MTRR: variants seen among roughly 807,000 people sequenced by gnomAD.
MTRR encodes the protein 5-methyltetrahydrofolate-homocysteine methyltransferase reductase.
In MTRR, 63 loss-of-function variants were observed where a neutral mutation model predicts 79.2. The observed-to-expected ratio is 0.80, with a 90% CI of 0.65 to 0.98. MTRR has a LOEUF of 0.98. Among genes scored for constraint, MTRR ranks in the 50% least tolerant of loss-of-function variants. The probability of loss-of-function intolerance (pLI) is 0.00; values close to 1 mark genes in which losing one functional copy is unlikely to be tolerated. For missense variants in MTRR, 895 were observed against 839.6 expected (o/e 1.07, Z -0.82); for synonymous variants, 355 against 313.3 (o/e 1.13, Z -1.41).
intron 1 of MTRR, chr5:7,870,437 C>T: frequency 2.9e-6 from 1 of 345,008 alleles, no homozygotes; most frequent in South Asian, 2.5e-5. Context: ...GTAATACTCT[C>T]ATTTTTAGGA....
At chr5:7,887,909 A>G (rs1488276935) in intron 8 of MTRR, among the ~76,000 whole-genome samples, 1 of 149,760 alleles carries the variant, frequency 6.7e-6, no homozygotes, top group Admixed American at 6.7e-5. Flanking sequence ...GTATTTTATA[A>G]TCAAACCCTC....
At chr5:7,857,035 C>A (rs1746266680) in intron 1 of MTRR, 1 of 152,172 alleles carries the variant, frequency 6.6e-6, no homozygotes, top group African/African-American at 2.4e-5. Flanking sequence ...CTAGTTTCAA[C>A]TGCTGCAGCC....
intron 1 of MTRR, among the ~76,000 whole-genome samples, chr5:7,860,096 G>T (rs1746425816): frequency 6.6e-6 from 1 of 152,160 alleles, no homozygotes; most frequent in African/African-American, 2.4e-5. Flanking sequence ...CCATTGGAGG[G>T]TCTTGAATGT....
chr5:7,890,688 C>A (rs1360879940), intron 9 of MTRR, among the ~76,000 whole-genome samples: 1 of 152,062 alleles, frequency 6.6e-6, no homozygotes, highest in East Asian at 1.9e-4. Flanking sequence ...TATACATAGA[C>A]CTTTTCATAT....
chr5:7,882,394 A>G (rs6859960), intron 5 of MTRR, among the ~76,000 whole-genome samples: 2,439 of 152,286 alleles, frequency 0.016, 32 homozygotes, highest in Non-Finnish European at 0.024. Flanking sequence ...GCCTTTGCAG[A>G]AGGCAGTCTT....
upstream of MTRR, chr5:7,868,971 A>T (rs1193892420): frequency 1.2e-6 from 1 of 804,070 alleles, no homozygotes; most frequent in Admixed American, 1.8e-5. Flanking sequence ...CCCCGCGTTG[A>T]CACCTACCGC....
intron 1 of MTRR, chr5:7,870,220 G>A (rs897745169): frequency 7.4e-5 from 20 of 269,590 alleles, no homozygotes; most frequent in Admixed American, 5.1e-4. Flanking sequence ...GAGAGTATGT[G>A]CTTCAGTTAC....
At chr5:7,850,976 T>C, upstream of MTRR, 1 of 1,309,920 alleles carries the variant, frequency 7.6e-7, no homozygotes. Context: ...GGCCTGGGCT[T>C]GCCCCGCAGC....
intron 2 of MTRR, among the ~76,000 whole-genome samples, chr5:7,863,734 G>C (rs772623108): frequency 2.0e-5 from 3 of 152,194 alleles, no homozygotes; most frequent in African/African-American, 7.2e-5. Flanking sequence ...TTAAACTTCT[G>C]TCATCCATGA....
At chr5:7,865,860 C>T (rs1033515896), upstream of MTRR, 2 of 1,468,774 alleles carry the variant, frequency 1.4e-6, no homozygotes, top group Non-Finnish European at 1.9e-6. Context: ...AAACTGCACC[C>T]ATGGGGAAAT....
At chr5:7,857,580 T>C (rs959391995) in intron 1 of MTRR, among the ~76,000 whole-genome samples, 1 of 152,174 alleles carries the variant, frequency 6.6e-6, no homozygotes, top group African/African-American at 2.4e-5. Context: ...AGCTTACAAA[T>C]CACTCTGAGG....
chr5:7,886,451 A>C, intron 7 of MTRR, 164 bp from the exon 8 acceptor site: 1 of 630,438 alleles, frequency 1.6e-6, no homozygotes, highest in South Asian at 1.9e-5. Context: ...TTTTTACTGT[A>C]TTCATTTTGG....
chr5:7,867,484 C>G, upstream of MTRR: 1 of 1,614,224 alleles, frequency 6.2e-7, no homozygotes, highest in Middle Eastern at 1.6e-4. Flanking sequence ...ATTCTGCCAC[C>G]AGGTTCAGCA....
At chr5:7,896,646 A>T (rs1384435367) in intron 12 of MTRR, 8 of 599,810 alleles carry the variant, frequency 1.3e-5, no homozygotes, top group Non-Finnish European at 3.0e-6. Flanking sequence ...TGTATGTCGG[A>T]TGTAGCTGCC....
At chr5:7,871,395 G>A (rs1747975289) in intron 2 of MTRR, among the ~76,000 whole-genome samples, 1 of 152,202 alleles carries the variant, frequency 6.6e-6, no homozygotes, top group Admixed American at 6.5e-5. Context: ...AAAAAACTCG[G>A]CTGCTTCTTC....
chr5:7,891,384 A>G lies in MTRR; in HGVS notation c.1340A>G (p.Lys447Arg). 6.2e-7 allele frequency: 1 copy of G among 1,609,368 alleles called. No homozygotes were observed. The highest frequency in any genetic ancestry group is 8.5e-7 in the Non-Finnish European group (1 of 1,176,844). The change falls in exon 10 of 15, where the codon AAA becomes AGA. Residue 447 changes from lysine (K) to arginine (R), a missense_variant. Lys to Arg is a conservative substitution (Grantham distance 26). Coordinates refer to ENST00000440940, the MANE Select transcript of MTRR (RefSeq NM_002454.3). The stretch of plus-strand genomic sequence containing the variant: ...TATTTTTTTCTAGAACATCTTCCTA[A>G]ACTTCAACCCAGACCATATTCGTGT... Reference protein sequence around the residue: ...PLSLLLEHLPKLQPRPYSCAS... With the variant: ...PLSLLLEHLPRLQPRPYSCAS...
intron 1 of MTRR, chr5:7,870,307 T>G: frequency 5.1e-6 from 1 of 197,298 alleles, no homozygotes; most frequent in Non-Finnish European, 1.0e-5. Context: ...ATATAGTTTT[T>G]ACTTTTATCT....
At chr5:7,868,200 G>GAAAAA (rs34274545), upstream of MTRR, 5 of 225,018 alleles carry the variant, frequency 2.2e-5, no homozygotes, top group South Asian at 1.1e-4. Context: ...CGAGTATCTG[G>GAAAAA]AAAAAAAAAA....
At position 7,875,376 on chromosome 5, in the gene MTRR, G is replaced by T; in HGVS notation, c.401+1G>T. The stretch of plus-strand genomic sequence containing the variant: ...CTGGACATGCAGATGACTGTGTAGG[G>T]TAAGGGCAGTGTTCTCTGTTTACTC... On this transcript the variant is annotated splice_donor_variant, in intron 4 of 14. Coordinates refer to ENST00000440940, the MANE Select transcript of MTRR (RefSeq NM_002454.3). LOFTEE classifies it high-confidence loss of function. 2 of 1,600,068 alleles carry T rather than the reference G, an allele frequency of 1.2e-6. No individual in the cohort carries two copies. The highest frequency in any genetic ancestry group is 1.7e-6 in the Non-Finnish European group (2 of 1,167,226).
Sources: allele counts gnomAD v4.1 joint callset (sites outside exome capture counted in the v4.1 genomes callset), GRCh38; gene constraint gnomAD v4.1.1; transcripts MANE v1.5; gene names NCBI Gene and HGNC (gene_info 2026-07-23, HGNC 2026-07-21).